PLIN4: variants seen among roughly 807,000 people sequenced by gnomAD.
PLIN4 encodes the protein perilipin-4.
A neutral mutation model predicts 52.4 loss-of-function variants in PLIN4; 57 were observed. The observed-to-expected ratio is 1.09, with a 90% CI of 0.88 to 1.36. The LOEUF (loss-of-function observed/expected upper bound fraction) is 1.36, where lower values mean the gene tolerates loss of function less well. Ranked by LOEUF, PLIN4 falls within the 40% of genes most tolerant of loss-of-function variation. The pLI, the probability that PLIN4 is intolerant of heterozygous loss-of-function variation, is 0.00. For synonymous variants in PLIN4, 826 were observed against 785.4 expected (o/e 1.05, Z -0.86); for missense variants, 1,757 against 1,770.3 (o/e 0.99, Z 0.13).
Position 4,511,879 on chromosome 19 carries a change from G to T in PLIN4, c.2081C>A (p.Thr694Asn). The T allele has an allele frequency of 6.2e-7, 1 of 1,609,058 alleles. No individual in the cohort carries two copies. Among genetic ancestry groups the T allele is most frequent in the African/African-American group, 1.3e-5 (1 of 74,782 alleles). Residue 694 changes from threonine to asparagine, a missense_variant, in exon 5 of 8, where the codon ACC (threonine) becomes AAC (asparagine). By Grantham distance (65) the Thr-to-Asn change is moderately conservative (BLOSUM62 0). Coordinates refer to ENST00000301286, the MANE Select transcript of PLIN4 (RefSeq NM_001367868.2). ...TGVDTAKTVL[T>N]GTKDTVTTGL... Reference sequence around the variant, plus strand: ...AGTAGTGACTGTGTCCTTGGTGCCGGTCAGCACGGTCTTGGCCGTGTCTAC... The same window carrying T: ...AGTAGTGACTGTGTCCTTGGTGCCGTTCAGCACGGTCTTGGCCGTGTCTAC...
At chr19:4,505,977 T>G (rs1976081200) in intron 6 of PLIN4, among the ~76,000 whole-genome samples, 2 of 152,084 alleles carry the variant, frequency 1.3e-5, no homozygotes, top group African/African-American at 4.8e-5. Context: ...CCCGGGCAGC[T>G]CTGACTTCGA....
rs71168909 is a variant in PLIN4 at position 4,509,310 on chromosome 19, C to CAAAAAAAAA, written c.3515-364_3515-356dup. ...TGGGTAAGAGTGCGAGACTCCGTCT[C>CAAAAAAAAA]AAAAAAAAAAAAAAAGTTAAGTGAG... On this transcript the variant is annotated intron_variant, in intron 5 of 7. Transcript: ENST00000301286. Among the ~76,000 whole-genome samples, 137 of 15,794 alleles carry CAAAAAAAAA rather than the reference C, an allele frequency of 8.7e-3. 36 individuals are homozygous for CAAAAAAAAA. Among genetic ancestry groups the CAAAAAAAAA allele is most frequent in the Non-Finnish European group, 0.01 (80 of 7,870 alleles). The allele number at this position is 15,794 out of a possible 152,430, so 10.4% of individuals were successfully genotyped here.
At position 4,511,580 on chromosome 19, in the gene PLIN4, C is replaced by T. The variant is rs754391317; in HGVS notation, c.2380G>A (p.Gly794Ser). 4.0e-6 allele frequency: 6 copies of T among 1,481,698 alleles called. No individual in the cohort carries two copies. Among genetic ancestry groups the T allele is most frequent in the Non-Finnish European group, 4.5e-6 (5 of 1,113,720 alleles). 91.8% of individuals were successfully genotyped at this position (1,481,698 alleles called of 1,614,324 possible). Residue 794 changes from glycine (G) to serine (S), a missense_variant, in exon 5 of 8, where the codon GGT (glycine) becomes AGT (serine). By Grantham distance (56) the Gly-to-Ser change is moderately conservative. Around this residue, in one of 7 missense-constraint regions of PLIN4, gnomAD observed 96 missense variants for 136.5 expected, o/e 0.70. Transcript: ENST00000301286. ...CCACTGCACACAGCATCCTTGGTAC[C>T]AGTTAACACAGTCTTGGTGGTGTCC... ...GMDTTKTVLT[G>S]TKDAVCSGVT...
Position 4,518,433 on chromosome 19 carries a change from C to G in PLIN4, c.-66G>C. The G allele has an allele frequency of 1.6e-6, 2 of 1,227,170 alleles. No individual in the cohort carries two copies. The highest frequency in any genetic ancestry group is 4.2e-5 in the South Asian group (1 of 23,554). 76.0% of individuals were successfully genotyped at this position (1,227,170 alleles called of 1,614,324 possible). On this transcript the variant is annotated 5_prime_UTR_variant, in exon 1 of 8. Coordinates refer to ENST00000301286, the MANE Select transcript of PLIN4 (RefSeq NM_001367868.2). ...TGTCACCGAAGCAGACGCGGCCCCGCTCACCTGGACTGCGCGGGGTCCCCT... is the reference window on the plus strand; with the variant it reads ...TGTCACCGAAGCAGACGCGGCCCCGGTCACCTGGACTGCGCGGGGTCCCCT...
At chr19:4,514,595 T>TG (rs1976536428) in intron 4 of PLIN4, among the ~76,000 whole-genome samples, 1 of 149,798 alleles carries the variant, frequency 6.7e-6, no homozygotes, top group African/African-American at 2.5e-5. Context: ...GGTGTGGTGG[T>TG]GGGCGCCTGT....
intron 6 of PLIN4, among the ~76,000 whole-genome samples, chr19:4,507,227 C>A (rs1301797441): frequency 1.3e-5 from 2 of 152,248 alleles, no homozygotes; most frequent in Non-Finnish European, 2.9e-5. Flanking sequence ...AGGGCGGCAT[C>A]TCAAGGTTTC....
rs915704163 is a variant in PLIN4, at chr19:4,518,423, C to T, written c.-56G>A. 3.4e-5 allele frequency: 42 copies of T among 1,227,936 alleles called. No individual in the cohort carries two copies. In the East Asian group the frequency reaches 4.4e-4, roughly 13 times the overall value. The allele number at this position is 1,227,936 out of a possible 1,614,324, so 76.1% of individuals were successfully genotyped here. A position where few individuals can be genotyped will look rare whatever the true frequency, so the allele number is the denominator to read the frequency against. ...CTCACCCTGGTGTCACCGAAGCAGA[C>T]GCGGCCCCGCTCACCTGGACTGCGC... On this transcript the variant is annotated 5_prime_UTR_variant, in exon 1 of 8. Transcript: ENST00000301286.
rs746494423 is a variant in PLIN4, at chr19:4,511,157, C to T, written c.2803G>A (p.Val935Ile). The T allele has an allele frequency of 4.3e-6, 7 of 1,610,454 alleles. No homozygotes were observed. ...TGTKDTVCSG[V>I]TGAVNVAKGT... Reference sequence around the variant, plus strand: ...TTGGCCACATTTACGGCACCAGTGACTCCACTGCAGACGGTGTCCTTGGTA... The same window carrying T: ...TTGGCCACATTTACGGCACCAGTGATTCCACTGCAGACGGTGTCCTTGGTA... The change falls in exon 5 of 8, where the codon GTC (valine) becomes ATC (isoleucine). Residue 935 changes from valine (V) to isoleucine (I), a missense_variant. This residue lies in a region of PLIN4 where 712 missense variants were observed against 637.1 expected (regional missense o/e 1.12). Transcript: ENST00000301286.
chr19:4,516,692 G>A lies in PLIN4; in HGVS notation c.197-14C>T, dbSNP rs1258658181. 3.8e-6 allele frequency: 6 copies of A among 1,581,492 alleles called. No homozygotes were observed. The East Asian group carries it at 1.4e-4, about 36-fold the overall frequency. On this transcript the variant is annotated splice_polypyrimidine_tract_variant and intron_variant, in intron 3 of 7. Coordinates refer to ENST00000301286, the MANE Select transcript of PLIN4 (RefSeq NM_001367868.2). ...GGTGGGCAGCCACTGTGGGGACAGG[G>A]GCCGGTCAGGGAGAGTGAGGGATGC...
rs752029824 is a variant in PLIN4 at position 4,510,612 on chromosome 19, A to G, written c.3348T>C (p.Leu1116=). The G allele has an allele frequency of 2.5e-5, 37 of 1,500,628 alleles. No homozygotes were observed. The highest frequency in any genetic ancestry group is 3.2e-5 in the Non-Finnish European group (36 of 1,124,964). 93.0% of individuals were successfully genotyped at this position (1,500,628 alleles called of 1,614,324 possible). A position where few individuals can be genotyped will look rare whatever the true frequency, so the allele number is the denominator to read the frequency against. ...AWEAAATTKG[L]ATDVATFTQG... is the part of the protein sequence containing the mutation. ...GGGTGAACGTCGCCACGTCAGTCGC[A>G]AGGCCCTTGGTAGTGGCTGCGGCTT... The change falls in exon 5 of 8, where the codon CTT becomes CTC. Residue 1116 remains leucine (L), a synonymous_variant. Transcript: ENST00000301286.
In PLIN4 at chr19:4,502,509, C is replaced by G. The variant is rs951302645; in HGVS notation, c.*1950G>C. On this transcript the variant is annotated 3_prime_UTR_variant, in exon 8 of 8. Coordinates refer to ENST00000301286, the MANE Select transcript of PLIN4 (RefSeq NM_001367868.2). ...GGGGTTTGATGCTTCCTGCATCTGG[C>G]AGCCCAGGGTCCAGGCAGGTGAGCA... 1 of 275,476 alleles carries G rather than the reference C, an allele frequency of 3.6e-6. No homozygotes were observed. Among genetic ancestry groups the G allele is most frequent in the African/African-American group, 2.4e-5 (1 of 42,460 alleles). The allele number at this position is 275,476 out of a possible 1,614,324, so 17.1% of individuals were successfully genotyped here. A position where few individuals can be genotyped will look rare whatever the true frequency, so the allele number is the denominator to read the frequency against.
chr19:4,510,223 G>A (rs1395828840), intron 5 of PLIN4, among the ~76,000 whole-genome samples: 6 of 151,572 alleles, frequency 4.0e-5, no homozygotes, highest in African/African-American at 7.3e-5. Flanking sequence ...AAAATTAGCC[G>A]GGTGTGGTGG....
Position 4,512,597 on chromosome 19 carries a change from C to CACCG in PLIN4, c.1362_1363insCGGT (p.Val455ArgfsTer46), listed in dbSNP as rs1976438560. On this transcript the variant is annotated frameshift_variant, in exon 5 of 8. Coordinates refer to ENST00000301286, the MANE Select transcript of PLIN4 (RefSeq NM_001367868.2). LOFTEE classifies it high-confidence loss of function. Reference sequence around the variant, plus strand: ...GTTAGAACGATCTTGGTGGTGTCCACGCCTGTCTGGATGGTTCCTCTGGCC... The same window carrying CACCG: ...GTTAGAACGATCTTGGTGGTGTCCACACCGGCCTGTCTGGATGGTTCCTCTGGCC... 2 of 1,609,468 alleles carry CACCG rather than the reference C, an allele frequency of 1.2e-6. No homozygotes were observed. The highest frequency in any genetic ancestry group is 1.4e-5 in the African/African-American group (1 of 74,064).
chr19:4,508,303 C>T (rs1169801754), intron 6 of PLIN4, among the ~76,000 whole-genome samples: 1 of 152,172 alleles, frequency 6.6e-6, no homozygotes, highest in Non-Finnish European at 1.5e-5. Context: ...GTCGCCCAGG[C>T]TGGAGTGCAG....
intron 4 of PLIN4, among the ~76,000 whole-genome samples, chr19:4,514,480 C>CT (rs752830786): frequency 7.4e-4 from 113 of 151,804 alleles, no homozygotes; most frequent in South Asian, 2.5e-3. Context: ...AATCCCAGCA[C>CT]TTTGGGAGGC....
chr19:4,507,820 C>T (rs1166538608), intron 6 of PLIN4, among the ~76,000 whole-genome samples: 1 of 152,106 alleles, frequency 6.6e-6, no homozygotes, highest in Non-Finnish European at 1.5e-5. Flanking sequence ...GGACGCTGCT[C>T]AGCTCCCTGC....
chr19:4,516,676 C>T lies in PLIN4; in HGVS notation c.199G>A (p.Ala67Thr). 1 of 1,594,614 alleles carries T rather than the reference C, an allele frequency of 6.3e-7. No individual in the cohort carries two copies. Among genetic ancestry groups the T allele is most frequent in the Non-Finnish European group, 8.5e-7 (1 of 1,171,090 alleles). Residue 67 changes from alanine to threonine, a missense_variant and splice_region_variant, in exon 4 of 8, where the codon GCT becomes ACT. Transcript: ENST00000301286. ...AEAAQPQAQV[A>T]AHPEQTAPWT... ...GGGGCCGTCTGCTCTGGGTGGGCAG[C>T]CACTGTGGGGACAGGGGCCGGTCAG...
At position 4,508,939 on chromosome 19, in the gene PLIN4, G is replaced by A; in HGVS notation, c.3531C>T (p.Ser1177=). Residue 1177 remains serine, a synonymous_variant, in exon 6 of 8, where the codon TCC becomes TCT. Coordinates refer to ENST00000301286, the MANE Select transcript of PLIN4 (RefSeq NM_001367868.2). ...CCGACAGCACCTTTGGCCCAGGCTG[G>A]GAGGCAGCCAGCTGAGCTGGAAAGG... ...NAEEQAQLAA[S]QPGPKVLSAE... 6.2e-7 allele frequency: 1 copy of A among 1,611,468 alleles called. No individual in the cohort carries two copies. The highest frequency in any genetic ancestry group is 1.1e-5 in the South Asian group (1 of 90,890).
intron 6 of PLIN4, among the ~76,000 whole-genome samples, chr19:4,506,091 C>G (rs1798918903): frequency 6.6e-6 from 1 of 152,198 alleles, no homozygotes; most frequent in African/African-American, 2.4e-5. Context: ...CCCTCGCCCC[C>G]ACCCGGTGGC....
Sources: gnomAD v4.1 joint callset for allele counts (sites outside exome capture counted in the v4.1 genomes callset) on GRCh38, gnomAD v4.1.1 for gene constraint, gnomAD v4.1.1 regional missense constraint, MANE v1.5 for transcripts, NCBI Gene and HGNC (gene_info 2026-07-23, HGNC 2026-07-21) for gene names.